Variants in THEMIS observed in about 807,000 individuals in gnomAD.
THEMIS encodes thymocyte selection associated, also known as protein THEMIS.
Under a neutral mutation model 52.6 loss-of-function variants are expected in THEMIS, and 37 were observed. That is an observed-to-expected ratio of 0.70 (90% confidence interval 0.54 to 0.93). The LOEUF (loss-of-function observed/expected upper bound fraction) is 0.93, where lower values mean the gene tolerates loss of function less well. THEMIS is among the 40% of genes least tolerant of loss of function. THEMIS has a pLI of 0.00. For missense variants in THEMIS, 808 were observed against 763.1 expected, an observed-to-expected ratio of 1.06 and a Z score of -0.69; for synonymous variants, 292 against 272.7, an observed-to-expected ratio of 1.07 and a Z score of -0.70.
intron 1 of THEMIS, among the ~76,000 whole-genome samples, chr6:127,917,166 C>T (rs917384301): frequency 2.0e-5 from 3 of 152,222 alleles, no homozygotes; most frequent in Middle Eastern, 3.4e-3. Context: ...AAGATCTTCC[C>T]GAGTCTCACA....
chr6:127,867,179 G>A (rs1399075231), intron 1 of THEMIS, among the ~76,000 whole-genome samples: 1 of 151,896 alleles, frequency 6.6e-6, no homozygotes, highest in Non-Finnish European at 1.5e-5. Flanking sequence ...GCTGTACTTA[G>A]GCAAGTAATT....
chr6:127,854,051 A>G (rs989904805), intron 2 of THEMIS, among the ~76,000 whole-genome samples: 1 of 151,742 alleles, frequency 6.6e-6, no homozygotes, highest in Non-Finnish European at 1.5e-5. Flanking sequence ...TCATTCATTC[A>G]TTCATTCAGT....
At chr6:127,828,265 C>G (rs1778576421) in intron 3 of THEMIS, among the ~76,000 whole-genome samples, 1 of 152,080 alleles carries the variant, frequency 6.6e-6, no homozygotes, top group South Asian at 2.1e-4. Flanking sequence ...TGAGAAAATA[C>G]TATCTATTAT....
intron 4 of THEMIS, among the ~76,000 whole-genome samples, chr6:127,732,074 T>C (rs927189193): frequency 2.6e-5 from 4 of 151,060 alleles, no homozygotes; most frequent in South Asian, 2.1e-4. Context: ...CAGTATTGGA[T>C]TGAGTATACC....
chr6:127,771,162 C>T (rs1205042774), intron 4 of THEMIS, among the ~76,000 whole-genome samples: 3 of 152,118 alleles, frequency 2.0e-5, no homozygotes, highest in African/African-American at 7.2e-5. Context: ...AACTCCCATT[C>T]ACAATTGCTA....
At chr6:127,792,252 A>G (rs1055773435) in intron 4 of THEMIS, among the ~76,000 whole-genome samples, 1 of 152,238 alleles carries the variant, frequency 6.6e-6, no homozygotes, top group Non-Finnish European at 1.5e-5. Context: ...AATAAAGCAC[A>G]GTGAAGTTGA....
intron 3 of THEMIS, among the ~76,000 whole-genome samples, chr6:127,828,711 T>C (rs1195154381): frequency 6.6e-6 from 1 of 152,086 alleles, no homozygotes; most frequent in Admixed American, 6.5e-5. Flanking sequence ...TCCCAGCACT[T>C]TGGGAGGTGA....
intron 2 of THEMIS, among the ~76,000 whole-genome samples, chr6:127,835,882 C>A (rs1178075839): frequency 6.6e-6 from 1 of 152,102 alleles, no homozygotes; most frequent in African/African-American, 2.4e-5. Flanking sequence ...TGTCCGACCC[C>A]ATGCTTTGAT....
At chr6:127,898,191 A>G (rs1781029702) in intron 1 of THEMIS, among the ~76,000 whole-genome samples, 1 of 151,756 alleles carries the variant, frequency 6.6e-6, no homozygotes, top group Admixed American at 6.6e-5. Flanking sequence ...AGTTACATGA[A>G]TGTGTTTACA....
chr6:127,784,507 C>T (rs892800017), intron 4 of THEMIS, among the ~76,000 whole-genome samples: 1 of 152,128 alleles, frequency 6.6e-6, no homozygotes, highest in Admixed American at 6.5e-5. Flanking sequence ...AATGTGTAAT[C>T]TTGACTGGTC....
chr6:127,816,742 C>T (rs1778148808), intron 3 of THEMIS, among the ~76,000 whole-genome samples: 1 of 152,106 alleles, frequency 6.6e-6, no homozygotes. Context: ...TGTTTATAAG[C>T]CTACAGTGTC....
intron 1 of THEMIS, among the ~76,000 whole-genome samples, chr6:127,863,975 C>T (rs1779892415): frequency 6.6e-6 from 1 of 152,032 alleles, no homozygotes; most frequent in South Asian, 2.1e-4. Context: ...GTCCCTTCTA[C>T]CATTAAAGCC....
intron 3 of THEMIS, among the ~76,000 whole-genome samples, chr6:127,824,917 T>C (rs1778456669): frequency 7.0e-6 from 1 of 143,746 alleles, no homozygotes; most frequent in Non-Finnish European, 1.5e-5. Context: ...AGAGGGAGAC[T>C]CCGTCTCAAA....
chr6:127,827,866 A>T (rs962235953), intron 3 of THEMIS, among the ~76,000 whole-genome samples: 4 of 152,078 alleles, frequency 2.6e-5, no homozygotes. Context: ...TGCCCTTATG[A>T]CACATTTTAG....
intron 1 of THEMIS, among the ~76,000 whole-genome samples, chr6:127,895,205 A>G (rs1780927494): frequency 6.6e-6 from 1 of 151,266 alleles, no homozygotes; most frequent in African/African-American, 2.4e-5. Flanking sequence ...AAACACCAAA[A>G]TTTAGTACAT....
At chr6:127,855,233 G>A in intron 1 of THEMIS, 45 bp from the exon 2 acceptor site, 1 of 1,498,294 alleles carries the variant, frequency 6.7e-7, no homozygotes, top group Non-Finnish European at 9.0e-7. Flanking sequence ...AAAGAAAACA[G>A]TGAAAAACAA....
At chr6:127,806,593 T>A (rs1777716885) in intron 4 of THEMIS, among the ~76,000 whole-genome samples, 1 of 152,214 alleles carries the variant, frequency 6.6e-6, no homozygotes, top group African/African-American at 2.4e-5. Flanking sequence ...AAATCAGTAT[T>A]TTATTATTAG....
intron 4 of THEMIS, among the ~76,000 whole-genome samples, chr6:127,800,249 C>T (rs6935078): frequency 0.082 from 12,420 of 152,136 alleles, 510 homozygotes; most frequent in African/African-American, 0.091. Flanking sequence ...CCCTCTGGTT[C>T]TTATATTTTA....
intron 1 of THEMIS, among the ~76,000 whole-genome samples, chr6:127,886,241 A>G (rs544167681): frequency 2.6e-5 from 4 of 152,232 alleles, no homozygotes; most frequent in African/African-American, 9.6e-5. Flanking sequence ...TGCTTTGTAA[A>G]TGGATTCATA....
Sources: gnomAD v4.1 joint callset for allele counts (sites outside exome capture counted in the v4.1 genomes callset) on GRCh38, gnomAD v4.1.1 for gene constraint, MANE v1.5 for transcripts, NCBI Gene and HGNC (gene_info 2026-07-23, HGNC 2026-07-21) for gene names.